The following TMEM38B variants were observed in gnomAD, a reference collection of about 807,000 sequenced individuals.
TMEM38B encodes trimeric intracellular cation channel type B.
A neutral mutation model predicts 28.7 loss-of-function variants in TMEM38B; 24 were observed. The ratio of observed to expected loss-of-function variants is 0.84; its 90% CI spans 0.61 to 1.18. TMEM38B has a LOEUF of 1.18. TMEM38B is among the 50% of genes most tolerant of loss of function. TMEM38B has a pLI of 0.00. For missense variants in TMEM38B, 380 were observed against 350.9 expected, an observed-to-expected ratio of 1.08 and a Z score of -0.66; for synonymous variants, 131 against 127.7, an observed-to-expected ratio of 1.03 and a Z score of -0.17.
rs1222088144 is a variant in TMEM38B at position 105,749,012 on chromosome 9, G to A, written c.660+822G>A. 14 of 1,228,360 alleles carry A rather than the reference G, an allele frequency of 1.1e-5. No homozygotes were observed. In the Admixed American group the frequency reaches 3.3e-4, roughly 29 times the overall value. The allele number at this position is 1,228,360 out of a possible 1,614,324, so 76.1% of individuals were successfully genotyped here. On this transcript the variant is annotated intron_variant, in intron 5 of 5. Transcript: ENST00000374692. ...GGATTTTTAAAAGGAAAACAGGATA[G>A]ATTATATAAATATGTGTCTTAGAAT...
intron 2 of TMEM38B, among the ~76,000 whole-genome samples, 178 bp downstream of exon 2, chr9:105,705,931 C>T (rs1433174370): frequency 1.4e-5 from 2 of 147,462 alleles, no homozygotes; most frequent in African/African-American, 2.5e-5. Flanking sequence ...GACGGAGTCT[C>T]ACTCTGTTGC....
chr9:105,754,188 G>T (rs1837754090), intron 5 of TMEM38B, among the ~76,000 whole-genome samples: 5 of 152,066 alleles, frequency 3.3e-5, no homozygotes, highest in Admixed American at 3.3e-4. Flanking sequence ...CACAATAATA[G>T]TGGGAGACTT....
chr9:105,758,574 G>C, intron 5 of TMEM38B: 2 of 1,121,512 alleles, frequency 1.8e-6, no homozygotes, highest in Non-Finnish European at 2.7e-6. Context: ...TAAGAATCAT[G>C]TAATTGAAGA....
intron 1 of TMEM38B, among the ~76,000 whole-genome samples, chr9:105,697,216 G>A (rs10759128): frequency 0.2 from 30,334 of 152,058 alleles, 4,560 homozygotes; most frequent in East Asian, 0.46. Context: ...TTTTGTGTAA[G>A]CTGTCCCCTA....
In TMEM38B at chr9:105,775,324, G is replaced by C. The variant is rs1826691051; in HGVS notation, c.*1244G>C. 1 of 151,946 alleles carries C rather than the reference G, an allele frequency of 6.6e-6. No homozygotes were observed. 9.4% of individuals were successfully genotyped at this position (151,946 alleles called of 1,614,324 possible). A position where few individuals can be genotyped will look rare whatever the true frequency, so the allele number is the denominator to read the frequency against. The stretch of plus-strand genomic sequence containing the variant: ...GCAAAATAAAAAACAAACAAGAAAA[G>C]ATACTAAATGATGTTAATTTTCTTA... On this transcript the variant is annotated 3_prime_UTR_variant, in exon 6 of 6. Transcript: ENST00000374692.
rs1826693396 is a variant in TMEM38B at position 105,775,418 on chromosome 9, A to G, written c.*1338A>G. 6.6e-6 allele frequency: 1 copy of G among 152,136 alleles called. No individual in the cohort carries two copies. The highest frequency in any genetic ancestry group is 2.4e-5 in the African/African-American group (1 of 41,454). The allele number at this position is 152,136 out of a possible 1,614,324, so 9.4% of individuals were successfully genotyped here. A position where few individuals can be genotyped will look rare whatever the true frequency, so the allele number is the denominator to read the frequency against. On this transcript the variant is annotated 3_prime_UTR_variant, in exon 6 of 6. Coordinates refer to ENST00000374692, the MANE Select transcript of TMEM38B (RefSeq NM_018112.3). ...CATAGTTTCTTTTACCAAAACCATGAACCTACTCCCCGTATCAGGTATTTT... is the reference window on the plus strand; with the variant it reads ...CATAGTTTCTTTTACCAAAACCATGGACCTACTCCCCGTATCAGGTATTTT...
intron 1 of TMEM38B, among the ~76,000 whole-genome samples, chr9:105,705,344 A>G (rs1262850997): frequency 6.6e-6 from 1 of 152,228 alleles, no homozygotes; most frequent in Non-Finnish European, 1.5e-5. Context: ...GAAACTGGCA[A>G]TGACAGCCTA....
intron 4 of TMEM38B, among the ~76,000 whole-genome samples, chr9:105,723,648 T>C (rs1049401723): frequency 2.6e-5 from 4 of 152,098 alleles, no homozygotes; most frequent in Admixed American, 2.6e-4. Context: ...CCTTGTACTT[T>C]GGCCTCCAAA....
intron 2 of TMEM38B, among the ~76,000 whole-genome samples, chr9:105,715,912 T>C (rs1237808167): frequency 1.3e-5 from 2 of 152,228 alleles, no homozygotes; most frequent in African/African-American, 4.8e-5. Flanking sequence ...GCTTATTTTT[T>C]TTCTTGTAAT....
At chr9:105,736,031 GACTA>G (rs1230413356) in intron 4 of TMEM38B, among the ~76,000 whole-genome samples, 1 of 150,396 alleles carries the variant, frequency 6.6e-6, no homozygotes, top group Non-Finnish European at 1.5e-5. Flanking sequence ...CACCATGCCT[GACTA>G]ACTAAAACAC....
intron 2 of TMEM38B, among the ~76,000 whole-genome samples, chr9:105,707,526 A>G (rs1835718233): frequency 6.6e-6 from 1 of 152,236 alleles, no homozygotes; most frequent in Non-Finnish European, 1.5e-5. Flanking sequence ...TTTAAAATGA[A>G]TATGTAACCA....
At chr9:105,764,323 C>T (rs1420483106) in intron 5 of TMEM38B, among the ~76,000 whole-genome samples, 5 of 152,056 alleles carry the variant, frequency 3.3e-5, no homozygotes, top group Non-Finnish European at 7.4e-5. Context: ...GATTGTATAT[C>T]TAGAAAACCC....
intron 4 of TMEM38B, among the ~76,000 whole-genome samples, chr9:105,740,303 C>G (rs112439010): frequency 1.3e-3 from 192 of 148,042 alleles, no homozygotes; most frequent in African/African-American, 4.5e-3. Flanking sequence ...CTCTGTTGCC[C>G]AGGCCAGAGT....
At chr9:105,758,398 G>T in intron 5 of TMEM38B, 2 of 1,331,754 alleles carry the variant, frequency 1.5e-6, no homozygotes. Flanking sequence ...ACATCTTTTC[G>T]AGCAGGAATG....
intron 1 of TMEM38B, among the ~76,000 whole-genome samples, chr9:105,699,279 G>A (rs1835384215): frequency 6.6e-6 from 1 of 152,030 alleles, no homozygotes; most frequent in African/African-American, 2.4e-5. Context: ...TTTTTACTTA[G>A]AATATGTATG....
At chr9:105,736,994 C>A (rs1462226597) in intron 4 of TMEM38B, among the ~76,000 whole-genome samples, 2 of 152,148 alleles carry the variant, frequency 1.3e-5, no homozygotes, top group African/African-American at 2.4e-5. Context: ...TCTTGTTTTC[C>A]CAGCAACGGG....
intron 2 of TMEM38B, among the ~76,000 whole-genome samples, chr9:105,712,772 G>C (rs1295327236): frequency 1.3e-5 from 2 of 152,238 alleles, no homozygotes; most frequent in Non-Finnish European, 2.9e-5. Context: ...CATGTCAGCT[G>C]CTTCAGGGAG....
At chr9:105,746,067 CTTT>C (rs1479211568) in intron 4 of TMEM38B, among the ~76,000 whole-genome samples, 1 of 152,154 alleles carries the variant, frequency 6.6e-6, no homozygotes, top group Non-Finnish European at 1.5e-5. Flanking sequence ...AATGCGGGCT[CTTT>C]TTTGTTTACA....
chr9:105,772,526 A>C (rs997638195), intron 5 of TMEM38B, among the ~76,000 whole-genome samples: 4 of 152,028 alleles, frequency 2.6e-5, no homozygotes, highest in Admixed American at 2.0e-4. Context: ...GGTTCTGCCT[A>C]TTTCAGTTGT....
Sources: gnomAD v4.1 joint callset for allele counts (sites outside exome capture counted in the v4.1 genomes callset) on GRCh38, gnomAD v4.1.1 for gene constraint, MANE v1.5 for transcripts, NCBI Gene and HGNC (gene_info 2026-07-23, HGNC 2026-07-21) for gene names.